The following SDC2 variants were observed in gnomAD, a reference collection of about 807,000 sequenced individuals.
SDC2 encodes syndecan 2.
In SDC2, 13 loss-of-function variants were observed where a neutral mutation model predicts 22.2. The ratio of observed to expected loss-of-function variants is 0.59; its 90% CI spans 0.38 to 0.93. The LOEUF is 0.93. SDC2 is among the 40% of genes least tolerant of loss of function. The pLI is 0.00. For synonymous variants in SDC2, 94 were observed against 92.8 expected (o/e 1.01, Z -0.07); for missense variants, 235 against 246.8 (o/e 0.95, Z 0.32).
intron 1 of SDC2, among the ~76,000 whole-genome samples, chr8:96,539,906 CCTGA>C (rs1813817518): frequency 6.6e-6 from 1 of 152,146 alleles, no homozygotes; most frequent in South Asian, 2.1e-4. Context: ...ATTAACTTAT[CCTGA>C]CTTCCATAAC....
At chr8:96,545,843 CAA>C (rs954868611) in intron 1 of SDC2, among the ~76,000 whole-genome samples, 7 of 152,266 alleles carry the variant, frequency 4.6e-5, no homozygotes, top group African/African-American at 1.7e-4. Flanking sequence ...GGTCTGCTGA[CAA>C]GGCAGCAGGG....
intron 1 of SDC2, among the ~76,000 whole-genome samples, chr8:96,524,176 G>T (rs1057341514): frequency 2.0e-5 from 3 of 152,222 alleles, no homozygotes; most frequent in African/African-American, 7.2e-5. Flanking sequence ...GCACGGTGCT[G>T]ACTTTTCCTG....
intron 1 of SDC2, among the ~76,000 whole-genome samples, chr8:96,498,016 C>T (rs899929276): frequency 2.6e-5 from 4 of 152,114 alleles, no homozygotes; most frequent in African/African-American, 9.7e-5. Flanking sequence ...TTGCTAAAAC[C>T]AATCTACTCT....
At chr8:96,536,355 C>T (rs938021028) in intron 1 of SDC2, among the ~76,000 whole-genome samples, 1 of 151,978 alleles carries the variant, frequency 6.6e-6, no homozygotes, top group Non-Finnish European at 1.5e-5. Context: ...GGGTCTTGCT[C>T]TGTTGCCCAG....
rs182581988 is a variant in SDC2, at chr8:96,580,170, G to A, written c.61-13310G>A. On this transcript the variant is annotated intron_variant, in intron 1 of 4. Transcript: ENST00000302190. ...GTCATCACCGGTGGGCCAGGGCAGC[G>A]AGGCAGGGGAAAGGCTCTTAGGTGA... Among the ~76,000 whole-genome samples, 13 of 152,320 alleles carry A rather than the reference G, an allele frequency of 8.5e-5. No individual in the cohort carries two copies. The East Asian group carries it at 2.3e-3, about 27-fold the overall frequency.
At chr8:96,503,173 T>G (rs1813191358) in intron 1 of SDC2, among the ~76,000 whole-genome samples, 1 of 152,208 alleles carries the variant, frequency 6.6e-6, no homozygotes, top group African/African-American at 2.4e-5. Flanking sequence ...TGTGAAAAGC[T>G]CATCTTTCCC....
intron 1 of SDC2, among the ~76,000 whole-genome samples, chr8:96,507,011 GAA>G (rs3065030): frequency 0.3 from 33,137 of 110,900 alleles, 3,974 homozygotes; most frequent in African/African-American, 0.34. Flanking sequence ...TCTGTCTCAG[GAA>G]AAAAAAAAAA....
At chr8:96,518,361 G>GTT (rs35449864) in intron 1 of SDC2, among the ~76,000 whole-genome samples, 1,412 of 125,190 alleles carry the variant, frequency 0.011, 27 homozygotes, top group African/African-American at 0.039. Flanking sequence ...ACCTTGAGAG[G>GTT]TTTTTTTTTT....
At chr8:96,532,061 G>A (rs1281858639) in intron 1 of SDC2, among the ~76,000 whole-genome samples, 1 of 152,104 alleles carries the variant, frequency 6.6e-6, no homozygotes, top group East Asian at 1.9e-4. Context: ...TTTTGCCTCT[G>A]TTTTTTCATC....
intron 1 of SDC2, among the ~76,000 whole-genome samples, chr8:96,500,187 A>G (rs1388214139): frequency 6.6e-6 from 1 of 152,172 alleles, no homozygotes; most frequent in Non-Finnish European, 1.5e-5. Context: ...AGCTGTGCAC[A>G]GTCACACCTC....
intron 1 of SDC2, among the ~76,000 whole-genome samples, chr8:96,544,252 T>C (rs1434079869): frequency 6.6e-6 from 1 of 152,226 alleles, no homozygotes; most frequent in Non-Finnish European, 1.5e-5. Context: ...GTGTACTTAC[T>C]GATGCAAAAT....
At chr8:96,575,740 C>A (rs1385375957) in intron 1 of SDC2, among the ~76,000 whole-genome samples, 5 of 152,142 alleles carry the variant, frequency 3.3e-5, no homozygotes, top group African/African-American at 1.2e-4. Context: ...CCATTCACAG[C>A]CTGAAATGTT....
intron 1 of SDC2, among the ~76,000 whole-genome samples, chr8:96,498,148 T>C (rs1813102998): frequency 6.6e-6 from 1 of 152,238 alleles, no homozygotes; most frequent in South Asian, 2.1e-4. Flanking sequence ...AGTCTGCCTC[T>C]AAGTCCAGCT....
chr8:96,553,346 T>G (rs1814056818), intron 1 of SDC2, among the ~76,000 whole-genome samples: 1 of 152,164 alleles, frequency 6.6e-6, no homozygotes, highest in African/African-American at 2.4e-5. Context: ...TAATATTGTT[T>G]TATTTTGATT....
chr8:96,505,678 C>G (rs573377424), intron 1 of SDC2, among the ~76,000 whole-genome samples: 5 of 152,326 alleles, frequency 3.3e-5, no homozygotes, highest in African/African-American at 1.2e-4. Flanking sequence ...TGTCCCACTT[C>G]TGAACTCGCT....
At chr8:96,598,364 G>A (rs1410086146) in intron 2 of SDC2, among the ~76,000 whole-genome samples, 1 of 152,210 alleles carries the variant, frequency 6.6e-6, no homozygotes, top group African/African-American at 2.4e-5. Context: ...GGTTACGCCT[G>A]TAATCCCAGC....
At chr8:96,519,838 A>G (rs984186636) in intron 1 of SDC2, among the ~76,000 whole-genome samples, 1 of 151,970 alleles carries the variant, frequency 6.6e-6, no homozygotes, top group Admixed American at 6.6e-5. Flanking sequence ...TTGTTGGCCA[A>G]GCTGGTCTTG....
chr8:96,542,046 G>T (rs1178607202), intron 1 of SDC2, among the ~76,000 whole-genome samples: 1 of 152,136 alleles, frequency 6.6e-6, no homozygotes, highest in Non-Finnish European at 1.5e-5. Flanking sequence ...CTGGTCCTCA[G>T]TGCAGGTGAA....
intron 1 of SDC2, among the ~76,000 whole-genome samples, chr8:96,553,995 G>A (rs961805335): frequency 4.5e-4 from 68 of 152,076 alleles, no homozygotes; most frequent in African/African-American, 1.5e-3. Flanking sequence ...TCACCATGTT[G>A]CCCAGGCTAG....
Sources: gnomAD v4.1 joint callset for allele counts (sites outside exome capture counted in the v4.1 genomes callset) on GRCh38, gnomAD v4.1.1 for gene constraint, MANE v1.5 for transcripts, NCBI Gene and HGNC (gene_info 2026-07-23, HGNC 2026-07-21) for gene names.